The following MAP3K5 variants were observed in gnomAD, a reference collection of about 807,000 sequenced individuals.
MAP3K5 encodes the protein ASK-1.
A neutral mutation model predicts 158.7 loss-of-function variants in MAP3K5; 56 were observed. That is an observed-to-expected ratio of 0.35 (90% CI 0.28 to 0.44). MAP3K5 has a LOEUF of 0.44. Among genes scored for constraint, MAP3K5 ranks in the 20% least tolerant of loss-of-function variants. The pLI is 1.00. For missense variants in MAP3K5, 1,294 were observed against 1,674.8 expected, an observed-to-expected ratio of 0.77 and a Z score of 3.97; for synonymous variants, 579 against 601.7, an observed-to-expected ratio of 0.96 and a Z score of 0.55.
chr6:136,784,995 A>C (rs532809712), intron 1 of MAP3K5, among the ~76,000 whole-genome samples: 2 of 152,248 alleles, frequency 1.3e-5, no homozygotes, highest in African/African-American at 4.8e-5. Context: ...CAGTCCTCCA[A>C]ATTTTTTTAA....
At chr6:136,681,616 G>A (rs966323283) in intron 7 of MAP3K5, among the ~76,000 whole-genome samples, 4 of 152,152 alleles carry the variant, frequency 2.6e-5, no homozygotes, top group Non-Finnish European at 4.4e-5. Context: ...CTAGGTGACA[G>A]AGCGAGACCT....
At chr6:136,691,112 C>G (rs1201265277) in intron 7 of MAP3K5, among the ~76,000 whole-genome samples, 1 of 151,940 alleles carries the variant, frequency 6.6e-6, no homozygotes, top group Non-Finnish European at 1.5e-5. Flanking sequence ...TTCTGTTTTT[C>G]ACCAATTTTA....
Position 136,791,901 on chromosome 6 carries a change from C to T in MAP3K5, c.257G>A (p.Gly86Glu). 6.2e-7 allele frequency: 1 copy of T among 1,613,258 alleles called. No individual in the cohort carries two copies. The highest frequency in any genetic ancestry group is 8.5e-7 in the Non-Finnish European group (1 of 1,179,896). The stretch of plus-strand genomic sequence containing the variant: ...TGCCACCGTGGTCCGTCGGCTGCCC[C>T]CGCCAACAGAGCTGCCCCGGCCTCG... ...ATRGRGSSVGGGSRRTTVAYV... is the reference protein window; with the variant it reads ...ATRGRGSSVGEGSRRTTVAYV... The change falls in exon 1 of 30, where the codon GGG becomes GAG. Residue 86 changes from glycine to glutamate, a missense_variant. Coordinates refer to ENST00000359015, the MANE Select transcript of MAP3K5 (RefSeq NM_005923.4).
chr6:136,677,920 C>G (rs967867146), intron 7 of MAP3K5, among the ~76,000 whole-genome samples: 1 of 152,318 alleles, frequency 6.6e-6, no homozygotes, highest in Middle Eastern at 3.4e-3. Flanking sequence ...TGAGACATTT[C>G]AGGCATAATA....
chr6:136,573,785 G>A (rs1481140393), intron 25 of MAP3K5, among the ~76,000 whole-genome samples: 4 of 152,150 alleles, frequency 2.6e-5, no homozygotes, highest in Admixed American at 2.0e-4. Flanking sequence ...GGACTCAAGG[G>A]GGCCTTAAAG....
intron 11 of MAP3K5, among the ~76,000 whole-genome samples, chr6:136,649,725 A>C (rs1012249396): frequency 1.3e-5 from 2 of 152,238 alleles, no homozygotes; most frequent in African/African-American, 2.4e-5. Context: ...GCAGTGATTT[A>C]TAATTGTTTT....
In MAP3K5 at chr6:136,613,710, G is replaced by A. The variant is rs903893709; in HGVS notation, c.2278+449C>T. On this transcript the variant is annotated intron_variant, in intron 16 of 29. Transcript: ENST00000359015. The surrounding 1 kb of genome is among the most constrained non-coding windows in gnomAD (Gnocchi z 4.0). ...TTTTGTCCTGTAAATGATTGGAGAAGACTGAATGGTGCCAAAGAAAAGATC... is the reference window on the plus strand; with the variant it reads ...TTTTGTCCTGTAAATGATTGGAGAAAACTGAATGGTGCCAAAGAAAAGATC... Among the ~76,000 whole-genome samples, 5 of 152,062 alleles carry A rather than the reference G, an allele frequency of 3.3e-5. No individual in the cohort carries two copies. The highest frequency in any genetic ancestry group is 5.9e-5 in the Non-Finnish European group (4 of 68,002).
intron 1 of MAP3K5, among the ~76,000 whole-genome samples, chr6:136,743,382 G>A (rs1035364193): frequency 2.2e-4 from 33 of 151,982 alleles, no homozygotes; most frequent in Admixed American, 5.2e-4. Flanking sequence ...CCCGGGAGGC[G>A]GAGGTTGCAG....
chr6:136,623,493 C>A (rs1390720434), intron 14 of MAP3K5, among the ~76,000 whole-genome samples: 2 of 152,172 alleles, frequency 1.3e-5, no homozygotes, highest in Non-Finnish European at 2.9e-5. Flanking sequence ...TACTTCACCA[C>A]TCCCCACCGT....
intron 9 of MAP3K5, among the ~76,000 whole-genome samples, chr6:136,658,313 CTT>C (rs57535051): frequency 0.021 from 1,909 of 90,326 alleles, 32 homozygotes; most frequent in African/African-American, 0.077. Flanking sequence ...TTCTTTCTTT[CTT>C]TTTTTTTTTT....
rs146644968 is a variant in MAP3K5, at chr6:136,663,928, A to C, written c.1367-4550T>G. The stretch of plus-strand genomic sequence containing the variant: ...GTCCGGCCTCAATCTCTTTTAATCT[A>C]ATCAATCCCTCTACACATTTTTTTT... On this transcript the variant is annotated intron_variant, in intron 8 of 29. Coordinates refer to ENST00000359015, the MANE Select transcript of MAP3K5 (RefSeq NM_005923.4). Among the ~76,000 whole-genome samples, 1,209 of 151,994 alleles carry C rather than the reference A, an allele frequency of 8.0e-3. 17 individuals carry two copies. The highest frequency in any genetic ancestry group is 0.027 in the African/African-American group (1,100 of 41,478).
intron 23 of MAP3K5, among the ~76,000 whole-genome samples, chr6:136,590,601 C>T (rs541359650): frequency 3.2e-4 from 48 of 150,634 alleles, no homozygotes; most frequent in Admixed American, 2.2e-3. Context: ...AGTGCAGTGG[C>T]GCGATCTCAG....
At chr6:136,614,339 A>G in intron 15 of MAP3K5, 53 bp from the exon 16 acceptor site, 2 of 1,581,770 alleles carry the variant, frequency 1.3e-6, no homozygotes, top group East Asian at 2.2e-5. Context: ...ACTTTACTGT[A>G]TAAATTTAAA....
At chr6:136,713,228 T>C (rs763053991) in intron 2 of MAP3K5, among the ~76,000 whole-genome samples, 4 of 152,134 alleles carry the variant, frequency 2.6e-5, no homozygotes, top group Non-Finnish European at 5.9e-5. Context: ...GTATTCAAAA[T>C]CATAGGCCTA....
At chr6:136,710,938 T>C (rs1308913166) in intron 2 of MAP3K5, among the ~76,000 whole-genome samples, 2 of 152,080 alleles carry the variant, frequency 1.3e-5, no homozygotes, top group Non-Finnish European at 2.9e-5. Context: ...TTTCAATGTG[T>C]CAAAAAAGCA....
intron 1 of MAP3K5, among the ~76,000 whole-genome samples, chr6:136,769,772 GAA>G (rs1190445331): frequency 0.019 from 788 of 42,528 alleles, 63 homozygotes; most frequent in African/African-American, 0.09. Flanking sequence ...AGGAAGGAAG[GAA>G]GGAAGGAAGG....
intron 2 of MAP3K5, among the ~76,000 whole-genome samples, chr6:136,708,547 T>C (rs950514983): frequency 1.3e-5 from 2 of 152,118 alleles, no homozygotes; most frequent in Admixed American, 1.3e-4. Flanking sequence ...TGAGCCACCG[T>C]GCCTGGCCAT....
rs1481900788 is a variant in MAP3K5 at position 136,659,226 on chromosome 6, G to A, written c.1519C>T (p.Pro507Ser). 6.2e-7 allele frequency: 1 copy of A among 1,613,428 alleles called. No homozygotes were observed. The highest frequency in any genetic ancestry group is 8.5e-7 in the Non-Finnish European group (1 of 1,179,534). Reference sequence around the variant, plus strand: ...ATAATAGCTAATTATTACCATGCTGGTGTCTTCAGTTTAAAAAGCTTTTCA... The same window carrying A: ...ATAATAGCTAATTATTACCATGCTGATGTCTTCAGTTTAAAAAGCTTTTCA... ...ASEKLFKLKT[P>S]AWYLKSIVET... The change falls in exon 9 of 30, where the codon CCA becomes TCA. Residue 507 changes from proline (P) to serine (S), a missense_variant. Transcript: ENST00000359015.
At chr6:136,670,045 T>C (rs1269660868) in intron 7 of MAP3K5, among the ~76,000 whole-genome samples, 1 of 152,112 alleles carries the variant, frequency 6.6e-6, no homozygotes, top group African/African-American at 2.4e-5. Flanking sequence ...ATAAGAATGA[T>C]ATAAAAATGA....
Sources: gnomAD v4.1 joint callset for allele counts (sites outside exome capture counted in the v4.1 genomes callset) on GRCh38, gnomAD v4.1.1 for gene constraint, Gnocchi (gnomAD v3.1) non-coding constraint, MANE v1.5 for transcripts, NCBI Gene and HGNC (gene_info 2026-07-23, HGNC 2026-07-21) for gene names.